The following RB1CC1 variants were observed in gnomAD, a reference collection of about 807,000 sequenced individuals.
RB1CC1 encodes the protein RB1-inducible coiled-coil protein 1.
Under a neutral mutation model 177.5 loss-of-function variants are expected in RB1CC1, and 46 were observed. That is an observed-to-expected ratio of 0.26 (90% CI 0.20 to 0.33). RB1CC1 has a LOEUF of 0.33. RB1CC1 is among the 10% of genes least tolerant of loss of function. The pLI, the probability that RB1CC1 is intolerant of heterozygous loss-of-function variation, is 1.00. For missense variants in RB1CC1, 1,703 were observed against 1,816.3 expected, an observed-to-expected ratio of 0.94 and a Z score of 1.13; for synonymous variants, 666 against 613.6, an observed-to-expected ratio of 1.09 and a Z score of -1.26.
intron 5 of RB1CC1, among the ~76,000 whole-genome samples, chr8:52,682,429 C>T (rs1591073322): frequency 6.6e-6 from 1 of 152,182 alleles, no homozygotes; most frequent in South Asian, 2.1e-4. Context: ...TGCTTGGTAT[C>T]TGAATCTCAG....
At chr8:52,674,410 T>A (rs1343594554) in intron 6 of RB1CC1, 136 bp from the exon 7 acceptor site, 2 of 747,154 alleles carry the variant, frequency 2.7e-6, no homozygotes, top group Non-Finnish European at 4.3e-6. Context: ...CATAAACTAG[T>A]CTATGAGCTA....
chr8:52,636,415 T>C (rs796418540), intron 18 of RB1CC1, among the ~76,000 whole-genome samples: 51 of 152,298 alleles, frequency 3.3e-4, no homozygotes, highest in African/African-American at 1.2e-3. Flanking sequence ...AAGACTTCAG[T>C]AGATTTACTA....
chr8:52,685,350 T>A, intron 3 of RB1CC1, 49 bp downstream of exon 3: 1 of 1,334,748 alleles, frequency 7.5e-7, no homozygotes, highest in East Asian at 2.3e-5. Context: ...TCTTTAACTT[T>A]CTGCATGCAG....
At chr8:52,685,599 A>G (rs1854203454) in intron 2 of RB1CC1, 79 bp from the exon 3 acceptor site, 1 of 502,870 alleles carries the variant, frequency 2.0e-6, no homozygotes, top group Non-Finnish European at 3.5e-6. Flanking sequence ...GACACAGTAC[A>G]GTATTACTAT....
At chr8:52,663,033 T>G (rs918048197) in intron 8 of RB1CC1, among the ~76,000 whole-genome samples, 12 of 152,028 alleles carry the variant, frequency 7.9e-5, no homozygotes, top group African/African-American at 2.4e-4. Flanking sequence ...AAAAATAAAG[T>G]TTTTCAATAA....
At chr8:52,712,496 CAAAA>C (rs5891479) in intron 1 of RB1CC1, among the ~76,000 whole-genome samples, 1 of 100,488 alleles carries the variant, frequency 1.0e-5, no homozygotes. Flanking sequence ...CAGCAAGAGC[CAAAA>C]AAAAAAAAAA....
intron 19 of RB1CC1, among the ~76,000 whole-genome samples, chr8:52,635,621 G>GT (rs1354639649): frequency 6.6e-6 from 1 of 151,722 alleles, no homozygotes; most frequent in African/African-American, 2.4e-5. Context: ...ACTTATTTTT[G>GT]TTTTTGCCAA....
intron 7 of RB1CC1, among the ~76,000 whole-genome samples, chr8:52,669,847 G>C (rs1222527318): frequency 1.3e-5 from 2 of 152,096 alleles, no homozygotes; most frequent in African/African-American, 2.4e-5. Flanking sequence ...AAAAACAAGG[G>C]CTCCTGAATA....
intron 19 of RB1CC1, 116 bp from the exon 20 acceptor site, chr8:52,635,084 G>C: frequency 1.2e-6 from 1 of 826,312 alleles, no homozygotes. Flanking sequence ...ATGAAAAGTT[G>C]ATGGGGATAT....
At chr8:52,652,254 C>G (rs1850661732) in intron 15 of RB1CC1, among the ~76,000 whole-genome samples, 1 of 151,980 alleles carries the variant, frequency 6.6e-6, no homozygotes, top group Non-Finnish European at 1.5e-5. Context: ...ATCACAAGGT[C>G]AGGAGATCGA....
Position 52,683,665 on chromosome 8 carries a change from G to A in RB1CC1, c.253C>T (p.Pro85Ser), listed in dbSNP as rs1194227458. 4.3e-6 allele frequency: 7 copies of A among 1,610,704 alleles called. No individual in the cohort carries two copies. The highest frequency in any genetic ancestry group is 1.7e-5 in the Admixed American group (1 of 59,568). The change falls in exon 5 of 24, where the codon CCT becomes TCT. Residue 85 changes from proline (P) to serine (S), a missense_variant. Physicochemically the swap from Pro to Ser is moderately conservative, Grantham distance 74. Around this residue, in one of 6 missense-constraint regions of RB1CC1, gnomAD observed 118 missense variants for 121.2 expected, o/e 0.97. Coordinates refer to ENST00000025008, the MANE Select transcript of RB1CC1 (RefSeq NM_014781.5). ...NKEMILCDRP[P>S]AIPKTTFSTE... The stretch of plus-strand genomic sequence containing the variant: ...GAAAAGGTAGTTTTAGGAATAGCAG[G>A]TGGACGATCACATAAGATCATTTCT...
chr8:52,665,392 C>A (rs1054591545), intron 8 of RB1CC1, among the ~76,000 whole-genome samples: 1 of 152,060 alleles, frequency 6.6e-6, no homozygotes, highest in Admixed American at 6.6e-5. Context: ...GGCATTAGAA[C>A]ATTATTAATT....
At chr8:52,679,161 G>A (rs904528909) in intron 5 of RB1CC1, among the ~76,000 whole-genome samples, 2 of 152,108 alleles carry the variant, frequency 1.3e-5, no homozygotes, top group Non-Finnish European at 2.9e-5. Flanking sequence ...AATCAAGCTG[G>A]GAACTATGTC....
At chr8:52,649,731 G>A (rs1451255809) in intron 15 of RB1CC1, among the ~76,000 whole-genome samples, 1 of 152,168 alleles carries the variant, frequency 6.6e-6, no homozygotes, top group Non-Finnish European at 1.5e-5. Flanking sequence ...ACTACTTCCT[G>A]GGAGCAAGGC....
chr8:52,654,346 GTT>G, intron 15 of RB1CC1, among the ~76,000 whole-genome samples: 1 of 152,318 alleles, frequency 6.6e-6, no homozygotes, highest in East Asian at 1.9e-4. Flanking sequence ...ATAGCTTCCA[GTT>G]TGCCAATGAA....
chr8:52,646,717 T>A (rs953273182), intron 15 of RB1CC1, among the ~76,000 whole-genome samples: 1 of 152,330 alleles, frequency 6.6e-6, no homozygotes, highest in Admixed American at 6.5e-5. Context: ...GACAAAGTGC[T>A]AGAGATGAGA....
chr8:52,674,421 G>C, intron 6 of RB1CC1, 147 bp from the exon 7 acceptor site: 6 of 711,738 alleles, frequency 8.4e-6, no homozygotes, highest in South Asian at 7.5e-5. Flanking sequence ...CTATGAGCTA[G>C]CTATTCACTA....
chr8:52,655,755 C>T (rs1851035102), intron 15 of RB1CC1, among the ~76,000 whole-genome samples: 1 of 152,148 alleles, frequency 6.6e-6, no homozygotes, highest in Admixed American at 6.5e-5. Context: ...CTCTTTAAAA[C>T]ATTTCAAACT....
At chr8:52,678,521 T>C (rs1415530239) in intron 5 of RB1CC1, among the ~76,000 whole-genome samples, 4 of 152,194 alleles carry the variant, frequency 2.6e-5, no homozygotes, top group Non-Finnish European at 4.4e-5. Flanking sequence ...AAATGCATTT[T>C]GTGTGTATAT....
Sources: gnomAD v4.1 joint callset for allele counts (sites outside exome capture counted in the v4.1 genomes callset) on GRCh38, gnomAD v4.1.1 for gene constraint, gnomAD v4.1.1 regional missense constraint, MANE v1.5 for transcripts, NCBI Gene and HGNC (gene_info 2026-07-23, HGNC 2026-07-21) for gene names.